SLC13A3: variants seen among roughly 807,000 people sequenced by gnomAD.
SLC13A3 encodes the protein Na(+)/dicarboxylate cotransporter 3.
Under a neutral mutation model 59.0 loss-of-function variants are expected in SLC13A3, and 40 were observed. That is an observed-to-expected ratio of 0.68 (90% CI 0.53 to 0.88). The LOEUF (loss-of-function observed/expected upper bound fraction) is 0.88. Among genes scored for constraint, SLC13A3 ranks in the 40% least tolerant of loss-of-function variants. The probability of loss-of-function intolerance (pLI) is 0.00; values close to 1 mark genes in which losing one functional copy is unlikely to be tolerated. For synonymous variants in SLC13A3, 317 were observed against 330.3 expected, an observed-to-expected ratio of 0.96 and a Z score of 0.44; for missense variants, 699 against 783.2, an observed-to-expected ratio of 0.89 and a Z score of 1.28.
chr20:46,613,198 A>C (rs1040367511), intron 2 of SLC13A3, among the ~76,000 whole-genome samples: 3 of 151,708 alleles, frequency 2.0e-5, no homozygotes, highest in Admixed American at 6.6e-5. Flanking sequence ...GGGGGTCAGC[A>C]GCTCATGTTC....
chr20:46,594,897 A>G (rs2062294784), intron 5 of SLC13A3, among the ~76,000 whole-genome samples: 2 of 152,154 alleles, frequency 1.3e-5, no homozygotes, highest in Admixed American at 1.3e-4. Flanking sequence ...ACATGGGTGT[A>G]CTAAAATCTC....
At chr20:46,585,452 A>T (rs1398140676) in intron 8 of SLC13A3, 1 of 996,962 alleles carries the variant, frequency 1.0e-6, no homozygotes, top group African/African-American at 1.7e-5. Flanking sequence ...TGTTGACGTG[A>T]TCACATTTCT....
intron 1 of SLC13A3, among the ~76,000 whole-genome samples, chr20:46,647,779 C>T (rs1436980499): frequency 1.3e-5 from 2 of 152,212 alleles, no homozygotes; most frequent in Non-Finnish European, 2.9e-5. Context: ...ACACAGACTC[C>T]TAGAACAGCA....
At chr20:46,580,029 G>A (rs2062119702) in intron 9 of SLC13A3, among the ~76,000 whole-genome samples, 1 of 151,940 alleles carries the variant, frequency 6.6e-6, no homozygotes, top group African/African-American at 2.4e-5. Flanking sequence ...GCAGTGGCGT[G>A]ATCTCGGCTC....
intron 1 of SLC13A3, among the ~76,000 whole-genome samples, chr20:46,629,222 C>T (rs974341592): frequency 6.6e-6 from 1 of 152,196 alleles, no homozygotes; most frequent in Non-Finnish European, 1.5e-5. Flanking sequence ...GTTACATGTT[C>T]TTTCTCTGAG....
At chr20:46,591,011 G>C (rs1287407558) in intron 6 of SLC13A3, among the ~76,000 whole-genome samples, 1 of 149,748 alleles carries the variant, frequency 6.7e-6, no homozygotes, top group Non-Finnish European at 1.5e-5. Flanking sequence ...AAAAAAAAAG[G>C]CACAAAAAAT....
chr20:46,563,151 G>A (rs2061945819), intron 12 of SLC13A3, among the ~76,000 whole-genome samples: 1 of 152,206 alleles, frequency 6.6e-6, no homozygotes, highest in Non-Finnish European at 1.5e-5. Context: ...GGCACGAAGT[G>A]GGGTCCAGAG....
rs143529471 is a variant in SLC13A3 at position 46,681,437 on chromosome 20, A to G, written c.-31+2959T>C. ...AGAAGGGGAGAAAAGAAAGGGAGGA[A>G]GAAAGAGGGGAAGGAGGGAGGAGGG... On this transcript the variant is annotated intron_variant, in intron 1 of 6. Coordinates refer to the SLC13A3 transcript ENST00000372121. Among the ~76,000 whole-genome samples the G allele has an allele frequency of 2.8e-3, 433 of 152,088 alleles. 1 individual carries two copies. Among genetic ancestry groups the G allele is most frequent in the African/African-American group, 0.01 (425 of 41,504 alleles).
rs1555878125 is a variant in SLC13A3 at position 46,600,315 on chromosome 20, G to GAAGGAAGGA, written c.542-287_542-279dup. Among the ~76,000 whole-genome samples, 421 of 129,738 alleles carry GAAGGAAGGA rather than the reference G, an allele frequency of 3.2e-3. 4 individuals are homozygous for GAAGGAAGGA. Among genetic ancestry groups the GAAGGAAGGA allele is most frequent in the Middle Eastern group, 7.6e-3 (2 of 264 alleles). The allele number at this position is 129,738 out of a possible 152,430, so 85.1% of individuals were successfully genotyped here. ...GGAAAGAAAGAAAGAAAGAAAGAGG[G>GAAGGAAGGA]AAGGAAGGAAAGGAAGGAAGGAAGG... On this transcript the variant is annotated intron_variant, in intron 3 of 12. Coordinates refer to ENST00000279027, the MANE Select transcript of SLC13A3 (RefSeq NM_022829.6).
chr20:46,655,903 G>A (rs545891375), upstream of SLC13A3, among the ~76,000 whole-genome samples: 196 of 138,648 alleles, frequency 1.4e-3, no homozygotes, highest in Middle Eastern at 5.1e-3. Flanking sequence ...TATATATACT[G>A]TACAGTATAT....
At chr20:46,584,243 GA>G in intron 8 of SLC13A3, 6 of 985,432 alleles carry the variant, frequency 6.1e-6, no homozygotes, top group Non-Finnish European at 7.2e-6. Flanking sequence ...TGGAGAATCA[GA>G]GGGTCAAAGA....
In SLC13A3 at chr20:46,630,151, G is replaced by A. The variant is rs150551004; in HGVS notation, c.112-16426C>T. ...CAAGGGGGAGCCCCTTACTCAATGC[G>A]AAGACCCAAGACGGTCACAGTTCTT... On this transcript the variant is annotated intron_variant, in intron 1 of 12. Transcript: ENST00000279027. Among the ~76,000 whole-genome samples, 96 of 152,298 alleles carry A rather than the reference G, an allele frequency of 6.3e-4. No individual in the cohort carries two copies. In the East Asian group the frequency reaches 0.014, roughly 23 times the overall value.
chr20:46,580,940 A>C (rs1339451238), intron 9 of SLC13A3, among the ~76,000 whole-genome samples: 1 of 152,186 alleles, frequency 6.6e-6, no homozygotes, highest in East Asian at 1.9e-4. Flanking sequence ...TATCCTAGAA[A>C]TTTCTGCATA....
chr20:46,563,284 C>T, intron 12 of SLC13A3, 130 bp downstream of exon 12: 2 of 1,052,490 alleles, frequency 1.9e-6, no homozygotes, highest in Non-Finnish European at 2.7e-6. Context: ...GTTCCTGGTC[C>T]CACTCAGAAA....
At chr20:46,585,304 G>T in intron 8 of SLC13A3, 1 of 989,332 alleles carries the variant, frequency 1.0e-6, no homozygotes, top group Non-Finnish European at 1.2e-6. Context: ...TCATGGTGAT[G>T]ATCTCTGGGC....
intron 3 of SLC13A3, among the ~76,000 whole-genome samples, chr20:46,600,286 G>GA (rs2062361162): frequency 8.3e-6 from 1 of 120,192 alleles, no homozygotes. Flanking sequence ...GAAAGGAAAG[G>GA]GAGGGAAAGA....
chr20:46,608,139 T>C (rs6124830), intron 3 of SLC13A3, among the ~76,000 whole-genome samples: 29,768 of 152,000 alleles, frequency 0.2, 3,144 homozygotes, highest in East Asian at 0.42. Flanking sequence ...ACAGCAGGGG[T>C]CAGTGACCTA....
upstream of SLC13A3, among the ~76,000 whole-genome samples, chr20:46,655,336 C>T (rs1053448367): frequency 6.7e-6 from 1 of 148,842 alleles, no homozygotes; most frequent in African/African-American, 2.5e-5. Flanking sequence ...TATGTTCATT[C>T]ATATATATAT....
chr20:46,595,983 G>A lies in SLC13A3; in HGVS notation c.794+174C>T, dbSNP rs570816288. ...TTTTCACTTATTGCCTGTCTCTCCC[G>A]CCAGAATGGAAGTTCCCCAAGGGCA... On this transcript the variant is annotated intron_variant, in intron 5 of 12. Coordinates refer to ENST00000279027, the MANE Select transcript of SLC13A3 (RefSeq NM_022829.6). Among the ~76,000 whole-genome samples, 16 of 152,086 alleles carry A rather than the reference G, an allele frequency of 1.1e-4. No homozygotes were observed. The South Asian group carries it at 1.9e-3, about 18-fold the overall frequency.
Sources: gnomAD v4.1 joint callset for allele counts (sites outside exome capture counted in the v4.1 genomes callset) on GRCh38, gnomAD v4.1.1 for gene constraint, MANE v1.5 for transcripts, NCBI Gene and HGNC (gene_info 2026-07-23, HGNC 2026-07-21) for gene names.